Variants in SLC8A3 observed in about 807,000 individuals in gnomAD.
SLC8A3 encodes solute carrier family 8 member A3.
SLC8A3 carries 37 observed loss-of-function variants against 65.4 expected under a neutral mutation model. That is an observed-to-expected ratio of 0.57 (90% CI 0.44 to 0.74). The LOEUF (loss-of-function observed/expected upper bound fraction) is 0.74. SLC8A3 is among the 30% of genes least tolerant of loss of function. The pLI is 0.00. For synonymous variants in SLC8A3, 461 were observed against 444.5 expected (o/e 1.04, Z -0.47); for missense variants, 1,112 against 1,172.1 (o/e 0.95, Z 0.75).
chr14:70,122,247 A>C (rs1894120700), intron 2 of SLC8A3, among the ~76,000 whole-genome samples: 1 of 152,180 alleles, frequency 6.6e-6, no homozygotes, highest in Non-Finnish European at 1.5e-5. Context: ...ATACATTCAC[A>C]CAAAGATGGA....
chr14:70,055,075 C>CA (rs1171546473), intron 3 of SLC8A3, among the ~76,000 whole-genome samples: 2 of 152,110 alleles, frequency 1.3e-5, no homozygotes, highest in Non-Finnish European at 2.9e-5. Flanking sequence ...TCCACTCATG[C>CA]AAGCATACTC....
chr14:70,136,725 A>G (rs1220495416), intron 2 of SLC8A3, among the ~76,000 whole-genome samples: 1 of 152,198 alleles, frequency 6.6e-6, no homozygotes, highest in Non-Finnish European at 1.5e-5. Context: ...ATCTCAACCT[A>G]AAACTGTTTA....
intron 2 of SLC8A3, among the ~76,000 whole-genome samples, chr14:70,110,958 G>A (rs548067461): frequency 1.3e-5 from 2 of 152,282 alleles, no homozygotes; most frequent in East Asian, 3.9e-4. Context: ...GGGATTACAG[G>A]CGTGAGCCAC....
chr14:70,149,673 C>T (rs555884579), intron 2 of SLC8A3, among the ~76,000 whole-genome samples: 3 of 152,294 alleles, frequency 2.0e-5, no homozygotes, highest in East Asian at 1.9e-4. Flanking sequence ...TGTAGCTGCT[C>T]CAGCCCCAGA....
At chr14:70,186,873 C>T (rs187352693) in intron 1 of SLC8A3, among the ~76,000 whole-genome samples, 2 of 152,288 alleles carry the variant, frequency 1.3e-5, no homozygotes, top group Non-Finnish European at 2.9e-5. Flanking sequence ...GTGAACTGAT[C>T]CCCCTATTTC....
intron 2 of SLC8A3, among the ~76,000 whole-genome samples, chr14:70,062,011 G>A (rs949895228): frequency 6.6e-6 from 1 of 151,698 alleles, no homozygotes; most frequent in African/African-American, 2.4e-5. Context: ...TTCCTATATG[G>A]TTTCTTCTGG....
chr14:70,088,717 T>C (rs1429230221), intron 2 of SLC8A3, among the ~76,000 whole-genome samples: 1 of 152,112 alleles, frequency 6.6e-6, no homozygotes, highest in African/African-American at 2.4e-5. Context: ...GAAATCAAAT[T>C]CAAACATTCC....
At chr14:70,053,644 T>C (rs1566736059) in intron 3 of SLC8A3, among the ~76,000 whole-genome samples, 1 of 152,222 alleles carries the variant, frequency 6.6e-6, no homozygotes, top group African/African-American at 2.4e-5. Context: ...TGTCTACCTA[T>C]CAATCTAGCA....
At chr14:70,152,571 A>T (rs1176144421) in intron 2 of SLC8A3, among the ~76,000 whole-genome samples, 5 of 152,034 alleles carry the variant, frequency 3.3e-5, no homozygotes, top group Non-Finnish European at 5.9e-5. Flanking sequence ...GGAGGGCTGG[A>T]AAGACCAAGG....
At position 70,166,584 on chromosome 14, in the gene SLC8A3, A is replaced by G. The variant is rs544032844; in HGVS notation, c.1784+55T>C. The G allele has an allele frequency of 1.4e-5, 14 of 1,021,616 alleles. No individual in the cohort carries two copies. In the Admixed American group the frequency reaches 3.1e-4, roughly 23 times the overall value. The allele number at this position is 1,021,616 out of a possible 1,614,324, so 63.3% of individuals were successfully genotyped here. A position where few individuals can be genotyped will look rare whatever the true frequency, so the allele number is the denominator to read the frequency against. The stretch of plus-strand genomic sequence containing the variant: ...GTAAAGTGCAGTACAGAAAGACAGA[A>G]AGAGATGGCAAAAGATGGGGTCAGG... On this transcript the variant is annotated intron_variant, in intron 2 of 6. Coordinates refer to ENST00000356921, the MANE Select transcript of SLC8A3 (RefSeq NM_182932.3).
rs74061068 is a variant in SLC8A3 at position 70,133,263 on chromosome 14, A to G, written c.1784+33376T>C. Among the ~76,000 whole-genome samples, 794 of 152,254 alleles carry G rather than the reference A, an allele frequency of 5.2e-3. 10 individuals carry two copies. Among genetic ancestry groups the G allele is most frequent in the African/African-American group, 0.017 (722 of 41,524 alleles). On this transcript the variant is annotated intron_variant, in intron 2 of 6. Coordinates refer to ENST00000356921, the MANE Select transcript of SLC8A3 (RefSeq NM_182932.3). ...AAGACAATAAAATAGGATGCAAATG[A>G]TGCTGAACTCTCTCTTGTGCTTACA... is the stretch of plus-strand genomic sequence containing the variant.
intron 2 of SLC8A3, among the ~76,000 whole-genome samples, chr14:70,111,244 T>G (rs907027984): frequency 4.6e-5 from 7 of 152,360 alleles, no homozygotes; most frequent in Admixed American, 1.3e-4. Flanking sequence ...TAGTTTTGAT[T>G]TGCATTTCTC....
intron 2 of SLC8A3, among the ~76,000 whole-genome samples, chr14:70,158,369 G>A (rs1253505488): frequency 6.6e-6 from 1 of 152,170 alleles, no homozygotes; most frequent in East Asian, 1.9e-4. Flanking sequence ...GAATACATGG[G>A]GAGAAACCTA....
rs1897251154 is a variant in SLC8A3 at position 70,167,558 on chromosome 14, C to T, written c.865G>A (p.Gly289Arg). The part of the protein sequence containing the change: ...GDHPKGIEMD[G>R]KMMNSHFLDG... Reference sequence around the variant, plus strand: ...AGAAAATGGGAATTCATCATTTTCCCATCCATCTCAATGCCCTTAGGGTGG... The same window carrying T: ...AGAAAATGGGAATTCATCATTTTCCTATCCATCTCAATGCCCTTAGGGTGG... Residue 289 changes from glycine to arginine, a missense_variant, in exon 2 of 7, where the codon GGG becomes AGG. Transcript: ENST00000356921. The T allele has an allele frequency of 6.2e-7, 1 of 1,614,062 alleles. No individual in the cohort carries two copies. The highest frequency in any genetic ancestry group is 8.5e-7 in the Non-Finnish European group (1 of 1,180,024).
intron 2 of SLC8A3, among the ~76,000 whole-genome samples, chr14:70,096,039 G>A (rs1172394172): frequency 2.6e-5 from 4 of 151,966 alleles, no homozygotes; most frequent in African/African-American, 7.3e-5. Flanking sequence ...GTGCCACCAC[G>A]CCCAGCTAAT....
intron 1 of SLC8A3, among the ~76,000 whole-genome samples, chr14:70,178,510 T>A (rs1454035039): frequency 1.3e-5 from 2 of 152,268 alleles, no homozygotes; most frequent in Non-Finnish European, 2.9e-5. Context: ...CAGGATAAAA[T>A]GAACCCATGG....
rs1034938836 is a variant in SLC8A3 at position 70,048,475 on chromosome 14, G to T, written c.2389+292C>A. The T allele has an allele frequency of 5.5e-5, 33 of 602,492 alleles. No homozygotes were observed. In the African/African-American group the frequency reaches 6.1e-4, roughly 11 times the overall value. The allele number at this position is 602,492 out of a possible 1,614,324, so 37.3% of individuals were successfully genotyped here. Reference sequence around the variant, plus strand: ...TCAGTTTCTTTGTCTGTGAAGTGGGGATAATAACTTACCCTATTTAATAGG... The same window carrying T: ...TCAGTTTCTTTGTCTGTGAAGTGGGTATAATAACTTACCCTATTTAATAGG... On this transcript the variant is annotated intron_variant, in intron 6 of 6. Transcript: ENST00000356921.
At position 70,162,991 on chromosome 14, in the gene SLC8A3, C is replaced by T. The variant is rs1022872302; in HGVS notation, c.1784+3648G>A. On this transcript the variant is annotated intron_variant, in intron 2 of 6. Transcript: ENST00000356921. The stretch of plus-strand genomic sequence containing the variant: ...CATCTCAGCCATACCACTTCTCTCA[C>T]GTTCCTTGATTTGTCTGTACCCTTT... Among the ~76,000 whole-genome samples, 10 of 152,354 alleles carry T rather than the reference C, an allele frequency of 6.6e-5. No individual in the cohort carries two copies. In the South Asian group the frequency reaches 1.5e-3, roughly 22 times the overall value.
intron 2 of SLC8A3, among the ~76,000 whole-genome samples, chr14:70,077,909 G>C (rs561319992): frequency 6.6e-6 from 1 of 152,326 alleles, no homozygotes; most frequent in African/African-American, 2.4e-5. Flanking sequence ...CCTCTGTTCA[G>C]AGGCAGATGG....
Sources: gnomAD v4.1 joint callset for allele counts (sites outside exome capture counted in the v4.1 genomes callset) on GRCh38, gnomAD v4.1.1 for gene constraint, MANE v1.5 for transcripts, NCBI Gene and HGNC (gene_info 2026-07-23, HGNC 2026-07-21) for gene names.